Variants in AIFM1 observed in about 807,000 individuals in gnomAD.
AIFM1 encodes apoptosis-inducing factor 1, mitochondrial.
Under a neutral mutation model 51.7 loss-of-function variants are expected in AIFM1, and 3 were observed. The observed-to-expected ratio is 0.06, with a 90% CI of 0.03 to 0.15. AIFM1 has a LOEUF of 0.15. Ranked by LOEUF, AIFM1 falls within the 10% of genes least tolerant of loss-of-function variation. The probability of loss-of-function intolerance (pLI) is 1.00; values close to 1 mark genes in which losing one functional copy is unlikely to be tolerated. For missense variants in AIFM1, 330 were observed against 476.8 expected (o/e 0.69, Z 2.87); for synonymous variants, 178 against 179.4 (o/e 0.99, Z 0.06).
intron 1 of AIFM1, among the ~76,000 whole-genome samples, chrX:130,161,208 C>T (rs768786740): frequency 9.0e-6 from 1 of 110,741 alleles, no homozygotes; most frequent in South Asian, 3.8e-4. Flanking sequence ...ACTGATTTTT[C>T]CAGCATGGAG....
At chrX:130,151,531 G>A (rs982589365) in intron 2 of AIFM1, among the ~76,000 whole-genome samples, 2 of 111,958 alleles carry the variant, frequency 1.8e-5, no homozygotes, top group Non-Finnish European at 1.9e-5. Flanking sequence ...AACCCTGAGA[G>A]CTGGGTTCAA....
chrX:130,144,160 TCTTA>T (rs887317698), intron 6 of AIFM1, among the ~76,000 whole-genome samples: 6 of 111,463 alleles, frequency 5.4e-5, no homozygotes, highest in Admixed American at 1.9e-4. Flanking sequence ...AAATTTTACC[TCTTA>T]CTTTCTTCTT....
At chrX:130,152,785 G>C (rs2031028522) in intron 2 of AIFM1, among the ~76,000 whole-genome samples, 1 of 111,852 alleles carries the variant, frequency 8.9e-6, no homozygotes. Flanking sequence ...AATCCGAGCA[G>C]CAGAAGCACT....
chrX:130,137,123 G>A lies in AIFM1; in HGVS notation c.1030C>T (p.Leu344Phe), dbSNP rs184474885. 5.3e-5 allele frequency: 64 copies of A among 1,209,667 alleles called. No individual in the cohort carries two copies. In the East Asian group the frequency reaches 1.7e-3, roughly 33 times the overall value. Reference protein sequence around the residue: ...FPEKGNMGKILPEYLSNWTME... With the variant: ...FPEKGNMGKIFPEYLSNWTME... ...GTCCAGTTGCTGAGGTATTCGGGGA[G>A]GATCTTTCCCATATTTCCTTTCTCG... Residue 344 changes from leucine (L) to phenylalanine (F), a missense_variant, in exon 10 of 16, where the codon CTC becomes TTC. Physicochemically the swap from Leu to Phe is conservative, Grantham distance 22 (BLOSUM62 0). Around this residue, in one of 4 missense-constraint regions of AIFM1, gnomAD observed 152 missense variants for 292.8 expected, o/e 0.52. Coordinates refer to ENST00000287295, the MANE Select transcript of AIFM1 (RefSeq NM_004208.4).
At chrX:130,137,914 T>C (rs1005185429) in intron 9 of AIFM1, 8 of 209,030 alleles carry the variant, frequency 3.8e-5, no homozygotes, top group Non-Finnish European at 5.9e-5. Flanking sequence ...AATACAAAAT[T>C]AGCCAGGTGT....
intron 1 of AIFM1, among the ~76,000 whole-genome samples, chrX:130,163,956 C>A (rs1459797714): frequency 9.7e-6 from 1 of 103,363 alleles, no homozygotes; most frequent in Non-Finnish European, 2.0e-5. Context: ...GAGATCGAGA[C>A]CATCCTGGTT....
chrX:130,137,129 T>C lies in AIFM1; in HGVS notation c.1024A>G (p.Lys342Glu), dbSNP rs2030377803. 3 of 1,211,648 alleles carry C rather than the reference T, an allele frequency of 2.5e-6. No individual in the cohort carries two copies. The highest frequency in any genetic ancestry group is 3.4e-6 in the Non-Finnish European group (3 of 895,503). Residue 342 changes from lysine to glutamate, a missense_variant, in exon 10 of 16, where the codon AAG becomes GAG. Physicochemically the swap from Lys to Glu is moderately conservative, Grantham distance 56. Transcript: ENST00000287295. ...TTGCTGAGGTATTCGGGGAGGATCT[T>C]TCCCATATTTCCTTTCTCGGGGAAG... ...QLFPEKGNMG[K>E]ILPEYLSNWT...
At position 130,130,066 on chromosome X, in the gene AIFM1, C is replaced by G. The variant is rs1391324425; in HGVS notation, c.1674G>C (p.Glu558Asp). The G allele has an allele frequency of 8.3e-7, 1 of 1,211,848 alleles. No homozygotes were observed. Among genetic ancestry groups the G allele is most frequent in the Non-Finnish European group, 1.1e-6 (1 of 895,513 alleles). ...PAVPQAPVQG[E>D]DYGKGVIFYL... is the part of the protein sequence containing the mutation. ...AGAAGATGACACCTTTGCCGTAGTC[C>G]TCCCCCTGGACGGGAGCCTGTGGAA... is the stretch of plus-strand genomic sequence containing the variant. Residue 558 changes from glutamate (E) to aspartate (D), a missense_variant, in exon 15 of 16, where the codon GAG becomes GAC. Glu to Asp is a conservative substitution (Grantham distance 45). This residue lies in a region of AIFM1 where 56 missense variants were observed against 48.8 expected (regional missense o/e 1.15). Coordinates refer to ENST00000287295, the MANE Select transcript of AIFM1 (RefSeq NM_004208.4).
At chrX:130,135,180 T>C (rs1303444505) in intron 12 of AIFM1, among the ~76,000 whole-genome samples, 4 of 108,777 alleles carry the variant, frequency 3.7e-5, no homozygotes, top group Non-Finnish European at 7.6e-5. Flanking sequence ...CCTCCTTAGT[T>C]CAAGTGATTC....
At chrX:130,133,763 G>A (rs1011676570) in intron 12 of AIFM1, among the ~76,000 whole-genome samples, 3 of 109,705 alleles carry the variant, frequency 2.7e-5, no homozygotes, top group African/African-American at 9.9e-5. Flanking sequence ...AAGTAGCTGG[G>A]ACTACAGGAA....
intron 2 of AIFM1, 80 bp from the exon 3 acceptor site, chrX:130,149,648 T>C: frequency 1.4e-6 from 1 of 736,578 alleles, no homozygotes; most frequent in East Asian, 3.2e-5. Flanking sequence ...TTCAATTAAA[T>C]GAGAAGCTTT....
chrX:130,160,110 A>G (rs1178550001), intron 1 of AIFM1, among the ~76,000 whole-genome samples: 1 of 112,374 alleles, frequency 8.9e-6, no homozygotes, highest in Non-Finnish European at 1.9e-5. Flanking sequence ...AATGTAATAC[A>G]CTACTCTCAT....
intron 6 of AIFM1, among the ~76,000 whole-genome samples, chrX:130,144,120 G>A (rs1482364543): frequency 8.9e-6 from 1 of 112,046 alleles, no homozygotes; most frequent in Non-Finnish European, 1.9e-5. Flanking sequence ...TTTAAGAACT[G>A]TGCTTACAAG....
chrX:130,132,190 C>T (rs755332338), intron 13 of AIFM1, among the ~76,000 whole-genome samples: 1 of 112,070 alleles, frequency 8.9e-6, no homozygotes, highest in African/African-American at 3.2e-5. Context: ...ACTCTTATGC[C>T]AACCAAAGAA....
At chrX:130,131,078 G>C (rs761399952) in intron 14 of AIFM1, among the ~76,000 whole-genome samples, 22 of 112,179 alleles carry the variant, frequency 2.0e-4, no homozygotes, top group South Asian at 1.1e-3. Flanking sequence ...CTAAGGTCAA[G>C]GAATAAGGTC....
chrX:130,141,501 C>T (rs1397467887), intron 6 of AIFM1, among the ~76,000 whole-genome samples: 1 of 111,996 alleles, frequency 8.9e-6, no homozygotes, highest in Non-Finnish European at 1.9e-5. Flanking sequence ...GTAGCCTTCA[C>T]GGAAACTTGG....
At chrX:130,163,236 G>A (rs1261794638) in intron 1 of AIFM1, among the ~76,000 whole-genome samples, 4 of 105,697 alleles carry the variant, frequency 3.8e-5, no homozygotes, top group African/African-American at 1.4e-4. Flanking sequence ...CTTGAACCCA[G>A]CAGGCAGAGG....
intron 1 of AIFM1, among the ~76,000 whole-genome samples, chrX:130,165,350 A>C (rs1194291597): frequency 8.9e-6 from 1 of 112,148 alleles, no homozygotes; most frequent in African/African-American, 3.2e-5. Flanking sequence ...TACTGGGTTC[A>C]AATCTCTTGA....
At position 130,155,296 on chromosome X, in the gene AIFM1, A is replaced by C. The variant is rs747398765; in HGVS notation, c.249+1165T>G. The C allele has an allele frequency of 5.8e-6, 7 of 1,206,567 alleles. No individual in the cohort carries two copies. In the African/African-American group the frequency reaches 1.0e-4, roughly 18 times the overall value. On this transcript the variant is annotated intron_variant, in intron 2 of 15. Transcript: ENST00000287295. ...TGATGAGACTGCACAACTGTAGGTAAAGATAAGGCCAAGAGAGAAACAAAA... is the reference window on the plus strand; with the variant it reads ...TGATGAGACTGCACAACTGTAGGTACAGATAAGGCCAAGAGAGAAACAAAA...
Sources: allele counts gnomAD v4.1 joint callset (sites outside exome capture counted in the v4.1 genomes callset), GRCh38; gene constraint gnomAD v4.1.1; regional missense constraint gnomAD v4.1.1; transcripts MANE v1.5; gene names NCBI Gene and HGNC (gene_info 2026-07-23, HGNC 2026-07-21).